The following CAMK1D variants were observed in gnomAD, a reference collection of about 807,000 sequenced individuals.
The protein encoded by CAMK1D is calcium/calmodulin-dependent protein kinase type 1D.
CAMK1D carries 9 observed loss-of-function variants against 47.7 expected under a neutral mutation model. The ratio of observed to expected loss-of-function variants is 0.19; its 90% CI spans 0.11 to 0.33. The LOEUF is 0.33. Among genes scored for constraint, CAMK1D ranks in the 10% least tolerant of loss-of-function variants. The pLI is 1.00. For missense variants in CAMK1D, 291 were observed against 488.7 expected, an observed-to-expected ratio of 0.60 and a Z score of 3.81; for synonymous variants, 184 against 184.9, an observed-to-expected ratio of 0.99 and a Z score of 0.04.
At chr10:12,734,237 G>T (rs574230202) in intron 3 of CAMK1D, among the ~76,000 whole-genome samples, 1 of 144,434 alleles carries the variant, frequency 6.9e-6, no homozygotes, top group Non-Finnish European at 1.5e-5. Context: ...CAGGAGAATC[G>T]CTTGAACCTG....
chr10:12,737,984 G>C (rs1296546436), intron 3 of CAMK1D, among the ~76,000 whole-genome samples: 1 of 152,140 alleles, frequency 6.6e-6, no homozygotes, highest in East Asian at 1.9e-4. Context: ...AATATACTCA[G>C]TGTAAAATCA....
At chr10:12,588,532 C>A (rs1377635943) in intron 2 of CAMK1D, among the ~76,000 whole-genome samples, 1 of 151,836 alleles carries the variant, frequency 6.6e-6, no homozygotes, top group African/African-American at 2.4e-5. Flanking sequence ...TTTCTTTTTT[C>A]TTTTTGCGAA....
chr10:12,632,756 A>G (rs1460973888), intron 2 of CAMK1D, among the ~76,000 whole-genome samples: 2 of 152,036 alleles, frequency 1.3e-5, no homozygotes, highest in Admixed American at 1.3e-4. Flanking sequence ...CTGCAGTGGC[A>G]TGATCTCGGC....
Position 12,767,864 on chromosome 10 carries a change from GAGTT to G in CAMK1D, c.439-1791_439-1788del, listed in dbSNP as rs377270372. ...CTCCCGTGAGCAGAGGGAGGACTTTGAGTTAGTTAGTTAGTTAGTTATTTTGAGA... is the reference window on the plus strand; with the variant it reads ...CTCCCGTGAGCAGAGGGAGGACTTTGAGTTAGTTAGTTAGTTATTTTGAGA... On this transcript the variant is annotated intron_variant, in intron 4 of 10. Coordinates refer to ENST00000619168, the MANE Select transcript of CAMK1D (RefSeq NM_153498.4). Among the ~76,000 whole-genome samples, 95 of 152,238 alleles carry G rather than the reference GAGTT, an allele frequency of 6.2e-4. 1 individual carries two copies. Among genetic ancestry groups the G allele is most frequent in the African/African-American group, 1.9e-3 (78 of 41,540 alleles).
At chr10:12,483,655 C>T (rs779457704) in intron 1 of CAMK1D, among the ~76,000 whole-genome samples, 2 of 151,820 alleles carry the variant, frequency 1.3e-5, no homozygotes, top group Non-Finnish European at 2.9e-5. Context: ...GGAGTCATCA[C>T]ACCTGGCCTC....
intron 1 of CAMK1D, among the ~76,000 whole-genome samples, chr10:12,467,674 A>G (rs1833632676): frequency 6.6e-6 from 1 of 152,236 alleles, no homozygotes; most frequent in African/African-American, 2.4e-5. Flanking sequence ...GAGCGTTAGC[A>G]GAGATACACT....
At position 12,414,142 on chromosome 10, in the gene CAMK1D, T is replaced by G. The variant is rs760970648; in HGVS notation, c.92+64232T>G. 3.6e-4 allele frequency among the ~76,000 whole-genome samples: 55 copies of G among 152,280 alleles called. No homozygotes were observed. The Middle Eastern group carries it at 0.01, about 28-fold the overall frequency. On this transcript the variant is annotated intron_variant, in intron 1 of 10. Transcript: ENST00000619168. ...TCTGAAAACCATAATATAATAAATG[T>G]GTAGTTTAGTTCTTTAATTTGAAAT...
intron 5 of CAMK1D, among the ~76,000 whole-genome samples, chr10:12,790,935 G>T (rs1294712499): frequency 6.6e-6 from 1 of 152,054 alleles, no homozygotes; most frequent in African/African-American, 2.4e-5. Flanking sequence ...GGTCAAGACT[G>T]CAGTGAGCCA....
intron 3 of CAMK1D, among the ~76,000 whole-genome samples, chr10:12,675,548 C>A (rs898658679): frequency 7.9e-5 from 12 of 152,178 alleles, no homozygotes; most frequent in African/African-American, 2.9e-4. Context: ...CTGTGGCCAC[C>A]AGCTTCAGAA....
chr10:12,478,882 G>T (rs1318891881), intron 1 of CAMK1D, among the ~76,000 whole-genome samples: 1 of 152,194 alleles, frequency 6.6e-6, no homozygotes, highest in East Asian at 1.9e-4. Context: ...CTGCTGACAT[G>T]AATGATAATA....
chr10:12,807,468 G>A (rs1207010819), intron 6 of CAMK1D, among the ~76,000 whole-genome samples: 1 of 152,148 alleles, frequency 6.6e-6, no homozygotes, highest in Admixed American at 6.5e-5. Flanking sequence ...ATCCAGTGTA[G>A]TTATCAGAGC....
intron 1 of CAMK1D, among the ~76,000 whole-genome samples, chr10:12,542,405 A>G (rs889133434): frequency 2.6e-5 from 4 of 152,262 alleles, no homozygotes; most frequent in African/African-American, 9.6e-5. Flanking sequence ...AAAAGCATAG[A>G]AAGGCAAAGA....
intron 1 of CAMK1D, among the ~76,000 whole-genome samples, chr10:12,452,558 G>A (rs761270859): frequency 6.6e-6 from 1 of 151,486 alleles, no homozygotes; most frequent in Admixed American, 6.6e-5. Flanking sequence ...ACACATTATA[G>A]TAATATGTAT....
intron 3 of CAMK1D, among the ~76,000 whole-genome samples, chr10:12,678,581 G>A (rs1380405102): frequency 6.6e-6 from 1 of 152,042 alleles, no homozygotes; most frequent in Non-Finnish European, 1.5e-5. Context: ...TTGAAAGTGG[G>A]GTATTGAAGT....
At chr10:12,727,236 A>G (rs903570791) in intron 3 of CAMK1D, among the ~76,000 whole-genome samples, 2 of 152,164 alleles carry the variant, frequency 1.3e-5, no homozygotes, top group Admixed American at 1.3e-4. Context: ...AGACTTTTTA[A>G]AACAATCCCT....
intron 3 of CAMK1D, among the ~76,000 whole-genome samples, chr10:12,702,422 A>G (rs1833558794): frequency 6.6e-6 from 1 of 152,014 alleles, no homozygotes. Flanking sequence ...TGTTTCTGAC[A>G]CTCTTGAGAG....
chr10:12,764,611 TAAA>T (rs71682505), intron 4 of CAMK1D, among the ~76,000 whole-genome samples: 15,841 of 152,068 alleles, frequency 0.1, 877 homozygotes, highest in South Asian at 0.15. Flanking sequence ...ACAAGGAAGA[TAAA>T]AAATCAGAAA....
intron 1 of CAMK1D, among the ~76,000 whole-genome samples, chr10:12,458,255 G>A (rs1833317063): frequency 6.6e-6 from 1 of 152,146 alleles, no homozygotes; most frequent in Non-Finnish European, 1.5e-5. Flanking sequence ...TGGCATTCTT[G>A]AGGGGGCAAA....
chr10:12,722,149 T>C (rs1347276617), intron 3 of CAMK1D, among the ~76,000 whole-genome samples: 2 of 152,072 alleles, frequency 1.3e-5, no homozygotes, highest in South Asian at 2.1e-4. Context: ...TGGTAGACTT[T>C]AAGATAACTC....
Sources: gnomAD v4.1 joint callset for allele counts (sites outside exome capture counted in the v4.1 genomes callset) on GRCh38, gnomAD v4.1.1 for gene constraint, MANE v1.5 for transcripts, NCBI Gene and HGNC (gene_info 2026-07-23, HGNC 2026-07-21) for gene names.